TBL1Y: variants seen among roughly 807,000 people sequenced by gnomAD.
TBL1Y encodes the protein transducin beta like 1 Y-linked, also known as F-box-like/WD repeat-containing protein TBL1Y.
Under a neutral mutation model 12.0 loss-of-function variants are expected in TBL1Y, and 15 were observed. That is an observed-to-expected ratio of 1.25 (90% CI 0.83 to 1.92). The LOEUF (loss-of-function observed/expected upper bound fraction) is 1.92. Ranked by LOEUF, TBL1Y falls within the 40% of genes most tolerant of loss-of-function variation. The probability of loss-of-function intolerance (pLI) is 0.00; values close to 1 mark genes in which losing one functional copy is unlikely to be tolerated. For missense variants in TBL1Y, 148 were observed against 116.7 expected (o/e 1.27, Z -1.24); for synonymous variants, 53 against 42.6 (o/e 1.24, Z -0.95).
intron 8 of TBL1Y, among the ~76,000 whole-genome samples, chrY:7,065,767 C>G: frequency 3.0e-5 from 1 of 33,843 alleles, no homozygotes; most frequent in Admixed American, 2.7e-4. Context: ...TTCATTAGGA[C>G]CTGCATGTGG....
At chrY:6,982,366 G>T (rs1010661219) in intron 3 of TBL1Y, among the ~76,000 whole-genome samples, 2 of 32,607 alleles carry the variant, frequency 6.1e-5, no homozygotes, top group South Asian at 7.0e-4. Flanking sequence ...CGAGAGGGGG[G>T]ACTGGTTGAG....
At chrY:7,015,570 A>G in intron 4 of TBL1Y, among the ~76,000 whole-genome samples, 2 of 33,598 alleles carry the variant, frequency 6.0e-5, no homozygotes, top group African/African-American at 2.3e-4. Flanking sequence ...CAGGTGATAT[A>G]TATGTGTTAG....
intron 2 of TBL1Y, among the ~76,000 whole-genome samples, chrY:6,914,248 C>T (rs907991407): frequency 6.1e-5 from 2 of 32,640 alleles, no homozygotes; most frequent in African/African-American, 1.2e-4. Context: ...CATCGTAGTG[C>T]GAGTCTATAA....
chrY:6,989,021 C>T, intron 3 of TBL1Y, among the ~76,000 whole-genome samples: 2 of 32,993 alleles, frequency 6.1e-5, no homozygotes, highest in South Asian at 7.0e-4. Context: ...GAGATCACGA[C>T]GTCATGGCTA....
At chrY:6,926,343 A>C in intron 2 of TBL1Y, among the ~76,000 whole-genome samples, 1 of 33,599 alleles carries the variant, frequency 3.0e-5, no homozygotes, top group African/African-American at 1.2e-4. Context: ...GTGATACTAA[A>C]GTCCCTGGAT....
intron 2 of TBL1Y, among the ~76,000 whole-genome samples, chrY:6,967,678 C>T: frequency 2.9e-5 from 1 of 33,922 alleles, no homozygotes; most frequent in East Asian, 8.1e-4. Flanking sequence ...AACCATGATG[C>T]CTAGCCTATG....
chrY:7,054,552 G>A, intron 7 of TBL1Y, among the ~76,000 whole-genome samples: 7 of 33,611 alleles, frequency 2.1e-4, no homozygotes. Context: ...CTTCTGGTCC[G>A]TGTTATGGCT....
At chrY:6,993,257 C>CTTTCTT (rs1384612203) in intron 3 of TBL1Y, among the ~76,000 whole-genome samples, 1 of 22,915 alleles carries the variant, frequency 4.4e-5, no homozygotes, top group Non-Finnish European at 1.0e-4. Context: ...TTCTTTCTTT[C>CTTTCTT]TTTTTGTAGA....
At chrY:6,947,659 C>CA (rs2011993391) in intron 2 of TBL1Y, among the ~76,000 whole-genome samples, 2 of 33,775 alleles carry the variant, frequency 5.9e-5, no homozygotes, top group African/African-American at 2.3e-4. Context: ...TTGCTAAAGA[C>CA]AAATGATGGG....
chrY:6,924,306 G>A, intron 2 of TBL1Y, among the ~76,000 whole-genome samples: 1 of 32,649 alleles, frequency 3.1e-5, no homozygotes, highest in African/African-American at 1.2e-4. Context: ...AAGTGAAGTT[G>A]GGCCAGGTGC....
intron 2 of TBL1Y, among the ~76,000 whole-genome samples, chrY:6,932,896 T>G (rs2011874769): frequency 3.1e-5 from 1 of 32,663 alleles, no homozygotes; most frequent in Non-Finnish European, 7.5e-5. Context: ...CTCACTTTTC[T>G]GGACTTTTTT....
At chrY:6,944,644 G>GTGGAATC (rs2011972499) in intron 2 of TBL1Y, among the ~76,000 whole-genome samples, 1 of 33,629 alleles carries the variant, frequency 3.0e-5, no homozygotes, top group South Asian at 6.8e-4. Context: ...CCTCAGAGAA[G>GTGGAATC]TGGAATCCTG....
rs376840960 is a variant in TBL1Y, at chrY:7,064,162, G to A, written c.457+13G>A. 1 of 397,951 alleles carries A rather than the reference G, an allele frequency of 2.5e-6. No homozygotes were observed. On this transcript the variant is annotated intron_variant, in intron 8 of 18. Coordinates refer to ENST00000383032, the MANE Select transcript of TBL1Y (RefSeq NM_033284.2). Reference sequence around the variant, plus strand: ...GCACATGAAATCAGTGAGTGCGCAGGCTCTGGAAGTTTGGTGGGCCTCTCT... The same window carrying A: ...GCACATGAAATCAGTGAGTGCGCAGACTCTGGAAGTTTGGTGGGCCTCTCT...
In TBL1Y at chrY:6,985,132, G is replaced by A. The variant is rs776928899; in HGVS notation, c.-235+6889G>A. Among the ~76,000 whole-genome samples the A allele has an allele frequency of 3.5e-4, 12 of 34,276 alleles. No homozygotes were observed. In the South Asian group the frequency reaches 6.7e-3, roughly 19 times the overall value. The allele number at this position is 34,276 out of a possible 37,273, so 92.0% of individuals were successfully genotyped here. On this transcript the variant is annotated intron_variant, in intron 3 of 18. Transcript: ENST00000383032. ...GGTTGGCTCCATGCTTGTCCAGGGCGTGAGTTTGCTCTATCTCAGCATGCT... is the reference window on the plus strand; with the variant it reads ...GGTTGGCTCCATGCTTGTCCAGGGCATGAGTTTGCTCTATCTCAGCATGCT...
chrY:7,076,078 G>A (rs2013061006), intron 13 of TBL1Y, among the ~76,000 whole-genome samples: 1 of 31,414 alleles, frequency 3.2e-5, no homozygotes, highest in Non-Finnish European at 7.7e-5. Context: ...AGAGGCACCC[G>A]CCACCACACC....
intron 2 of TBL1Y, among the ~76,000 whole-genome samples, chrY:6,944,257 C>A (rs2011970882): frequency 3.0e-5 from 1 of 33,574 alleles, no homozygotes; most frequent in African/African-American, 1.2e-4. Flanking sequence ...CCTATGTGTG[C>A]ACCTGACTTT....
intron 6 of TBL1Y, among the ~76,000 whole-genome samples, chrY:7,027,603 A>G: frequency 3.2e-5 from 1 of 31,539 alleles, no homozygotes. Context: ...AATGGCATGA[A>G]CCCGGGAGGC....
At chrY:6,958,600 C>T in intron 2 of TBL1Y, among the ~76,000 whole-genome samples, 2 of 32,729 alleles carry the variant, frequency 6.1e-5, no homozygotes, top group Non-Finnish European at 1.5e-4. Context: ...TTCATTATTT[C>T]AGTAAAAAGG....
chrY:6,958,889 C>T (rs868114071), intron 2 of TBL1Y, among the ~76,000 whole-genome samples: 6 of 33,706 alleles, frequency 1.8e-4, no homozygotes, highest in East Asian at 1.6e-3. Context: ...TGTTCAGTTC[C>T]CAGGGGCAGG....
Sources: gnomAD v4.1 joint callset for allele counts (sites outside exome capture counted in the v4.1 genomes callset) on GRCh38, gnomAD v4.1.1 for gene constraint, MANE v1.5 for transcripts, NCBI Gene and HGNC (gene_info 2026-07-23, HGNC 2026-07-21) for gene names.